The following SI variants were observed in gnomAD, a reference collection of about 807,000 sequenced individuals.
SI encodes sucrase-isomaltase.
A neutral mutation model predicts 253.3 loss-of-function variants in SI; 235 were observed. That is an observed-to-expected ratio of 0.93 (90% CI 0.83 to 1.03). The LOEUF is 1.03. Among genes scored for constraint, SI ranks in the 50% least tolerant of loss-of-function variants. SI has a pLI of 0.00. For synonymous variants in SI, 819 were observed against 712.0 expected, an observed-to-expected ratio of 1.15 and a Z score of -2.39; for missense variants, 2,442 against 2,211.1, an observed-to-expected ratio of 1.10 and a Z score of -2.09.
At chr3:165,077,312 T>C (rs1292416993) in intron 1 of SI, among the ~76,000 whole-genome samples, 1 of 151,686 alleles carries the variant, frequency 6.6e-6, no homozygotes, top group Non-Finnish European at 1.5e-5. Flanking sequence ...TGAGGCACAG[T>C]TAATCTAGCC....
rs995130395 is a variant in SI at position 165,017,871 on chromosome 3, C to A, written c.3523G>T (p.Val1175Phe). The change falls in exon 30 of 48, where the codon GTT (valine) becomes TTT (phenylalanine). Residue 1175 changes from valine to phenylalanine, a missense_variant and splice_region_variant. Coordinates refer to ENST00000264382, the MANE Select transcript of SI (RefSeq NM_001041.4). ...AGAGCAGGAGTTGGCTGGAATGTAA[C>A]ATCTGGAAATCCAAAATAACATCCC... ...VFLLNSNAMD[V>F]TFQPTPALTY... 1.3e-5 allele frequency: 21 copies of A among 1,610,432 alleles called. No homozygotes were observed. Among genetic ancestry groups the A allele is most frequent in the Non-Finnish European group, 1.5e-5 (18 of 1,177,116 alleles).
At chr3:165,034,467 A>G (rs1292270794) in intron 22 of SI, among the ~76,000 whole-genome samples, 1 of 151,938 alleles carries the variant, frequency 6.6e-6, no homozygotes, top group Non-Finnish European at 1.5e-5. Flanking sequence ...ATTGATGACT[A>G]CAAGCAATGT....
At chr3:164,987,017 T>G (rs1393140580) in intron 45 of SI, 121 bp downstream of exon 45, 3 of 800,750 alleles carry the variant, frequency 3.7e-6, no homozygotes, top group Non-Finnish European at 6.4e-6. Flanking sequence ...GTAAAATCTT[T>G]TAGCCTTGAA....
intron 28 of SI, 132 bp from the exon 29 acceptor site, chr3:165,018,198 C>A: frequency 1.6e-6 from 1 of 642,408 alleles, no homozygotes; most frequent in Non-Finnish European, 2.8e-6. Context: ...TTAAACTATG[C>A]TTCAGTTAAA....
chr3:165,009,765 G>C (rs1436501712), intron 34 of SI, among the ~76,000 whole-genome samples: 1 of 152,128 alleles, frequency 6.6e-6, no homozygotes, highest in Non-Finnish European at 1.5e-5. Context: ...AAGGGCCATA[G>C]TATAAAGCCT....
At chr3:164,989,368 GAAA>G (rs1717599539) in intron 44 of SI, among the ~76,000 whole-genome samples, 4 of 119,784 alleles carry the variant, frequency 3.3e-5, no homozygotes, top group Non-Finnish European at 6.8e-5. Context: ...AAGAAAGAAA[GAAA>G]GGAAGAAAGA....
At chr3:165,060,244 C>G (rs1405069633) in intron 9 of SI, among the ~76,000 whole-genome samples, 1 of 151,812 alleles carries the variant, frequency 6.6e-6, no homozygotes, top group African/African-American at 2.4e-5. Context: ...TTGTACTTCA[C>G]GTTTTAGTTT....
rs2108139356 is a variant in SI at position 164,998,647 on chromosome 3, C to T, written c.4433G>A (p.Arg1478Lys). The T allele has an allele frequency of 1.2e-6, 2 of 1,611,678 alleles. No homozygotes were observed. Among genetic ancestry groups the T allele is most frequent in the Non-Finnish European group, 1.7e-6 (2 of 1,178,350 alleles). ...HDALQKTTGKRGIVISRSTYP... is the reference protein window; with the variant it reads ...HDALQKTTGKKGIVISRSTYP... ...CGTGGAACGAGAAATTACAATCCCT[C>T]TTTTTCCAGTTGTCTTCTGCAATGC... The change falls in exon 38 of 48, where the codon AGA (arginine) becomes AAA (lysine). Residue 1478 changes from arginine (R) to lysine (K), a missense_variant. Coordinates refer to ENST00000264382, the MANE Select transcript of SI (RefSeq NM_001041.4).
rs369005240 is a variant in SI, at chr3:165,033,379, C to T, written c.2565+16G>A. On this transcript the variant is annotated intron_variant, in intron 23 of 47. Coordinates refer to ENST00000264382, the MANE Select transcript of SI (RefSeq NM_001041.4). Reference sequence around the variant, plus strand: ...CAAATTATGCATTTAAGTATATGTACAAAGAGAGTGCTTACATTAGAAACT... The same window carrying T: ...CAAATTATGCATTTAAGTATATGTATAAAGAGAGTGCTTACATTAGAAACT... 3.2e-6 allele frequency: 5 copies of T among 1,552,644 alleles called. No homozygotes were observed. Among genetic ancestry groups the T allele is most frequent in the Non-Finnish European group, 4.4e-6 (5 of 1,145,758 alleles).
rs1199443986 is a variant in SI at position 165,032,520 on chromosome 3, A to T, written c.2736+2T>A. On this transcript the variant is annotated splice_donor_variant, in intron 24 of 47. Coordinates refer to ENST00000264382, the MANE Select transcript of SI (RefSeq NM_001041.4). LOFTEE classifies it high-confidence loss of function. ...TAAAATATTTTAAAAGATTGTAATT[A>T]CCTGGTTAGAAGCATCATAAGTGAA... The T allele has an allele frequency of 3.8e-6, 6 of 1,586,742 alleles. No homozygotes were observed. Among genetic ancestry groups the T allele is most frequent in the Non-Finnish European group, 5.2e-6 (6 of 1,157,736 alleles).
intron 40 of SI, among the ~76,000 whole-genome samples, chr3:164,995,388 G>C (rs185281369): frequency 1.3e-5 from 2 of 151,860 alleles, no homozygotes; most frequent in East Asian, 3.9e-4. Context: ...GTTGCTTATT[G>C]ACCTCATTAA....
intron 47 of SI, among the ~76,000 whole-genome samples, chr3:164,980,487 T>C (rs1054276539): frequency 6.6e-5 from 10 of 151,876 alleles, no homozygotes; most frequent in African/African-American, 9.7e-5. Context: ...ACAAGCAGGG[T>C]GGAGAAAGAA....
intron 16 of SI, among the ~76,000 whole-genome samples, chr3:165,046,060 A>G (rs1371747336): frequency 1.3e-5 from 2 of 151,828 alleles, no homozygotes; most frequent in South Asian, 2.1e-4. Context: ...CAAACTCCTG[A>G]CCTCAAGTGA....
intron 12 of SI, among the ~76,000 whole-genome samples, chr3:165,056,094 G>T (rs1246534897): frequency 1.3e-5 from 2 of 152,058 alleles, no homozygotes; most frequent in East Asian, 3.9e-4. Flanking sequence ...TAGGCAAGGA[G>T]AATTTAATTT....
the SI span, among the ~76,000 whole-genome samples, chr3:165,088,644 A>T: frequency 2.3e-4 from 35 of 152,230 alleles, no homozygotes; most frequent in African/African-American, 7.2e-4. Flanking sequence ...TCTGTCTCAA[A>T]AAATAAATAA....
chr3:165,060,154 A>C, intron 9 of SI, 127 bp from the exon 10 acceptor site: 1 of 816,626 alleles, frequency 1.2e-6, no homozygotes, highest in Non-Finnish European at 1.9e-6. Context: ...TAATTTAAAC[A>C]AACCTTTAGT....
intron 4 of SI, 52 bp downstream of exon 4, chr3:165,069,026 C>T (rs180689258): frequency 1.0e-5 from 13 of 1,267,894 alleles, no homozygotes; most frequent in African/African-American, 1.0e-4. Flanking sequence ...TCCACATTTT[C>T]GCTCCAGTTA....
At chr3:165,087,571 C>A in the SI span, among the ~76,000 whole-genome samples, 1 of 152,096 alleles carries the variant, frequency 6.6e-6, no homozygotes, top group African/African-American at 2.4e-5. Context: ...GTACTCATAG[C>A]AACAGCAATA....
At chr3:165,016,826 C>A (rs909771280) in intron 31 of SI, among the ~76,000 whole-genome samples, 1 of 151,762 alleles carries the variant, frequency 6.6e-6, no homozygotes, top group Non-Finnish European at 1.5e-5. Context: ...TAAATTTCCA[C>A]GTGCATGTTT....
Sources: gnomAD v4.1 joint callset for allele counts (sites outside exome capture counted in the v4.1 genomes callset) on GRCh38, gnomAD v4.1.1 for gene constraint, MANE v1.5 for transcripts, NCBI Gene and HGNC (gene_info 2026-07-23, HGNC 2026-07-21) for gene names.